RNF212B: variants seen among roughly 807,000 people sequenced by gnomAD.
The protein encoded by RNF212B is ring finger protein 212B.
Under a neutral mutation model 55.5 loss-of-function variants are expected in RNF212B, and 52 were observed. The observed-to-expected ratio is 0.94, with a 90% CI of 0.75 to 1.18. RNF212B has a LOEUF of 1.18. Ranked by LOEUF, RNF212B falls within the 50% of genes most tolerant of loss-of-function variation. The probability of loss-of-function intolerance (pLI) is 0.00; values close to 1 mark genes in which losing one functional copy is unlikely to be tolerated. For missense variants in RNF212B, 289 were observed against 350.4 expected, an observed-to-expected ratio of 0.82 and a Z score of 1.40; for synonymous variants, 99 against 121.4, an observed-to-expected ratio of 0.82 and a Z score of 1.21.
chr14:23,241,081 C>A (rs922442545), intron 2 of RNF212B, among the ~76,000 whole-genome samples: 1 of 151,568 alleles, frequency 6.6e-6, no homozygotes, highest in Non-Finnish European at 1.5e-5. Context: ...TGTGTAAATC[C>A]CTAGAAGAGG....
intron 2 of RNF212B, among the ~76,000 whole-genome samples, chr14:23,230,383 G>T (rs1176763900): frequency 6.6e-6 from 1 of 151,928 alleles, no homozygotes; most frequent in Non-Finnish European, 1.5e-5. Flanking sequence ...GGCCGGGCGC[G>T]GTGGCTCACG....
Position 23,203,500 on chromosome 14 carries a change from A to AT in RNF212B, c.-2+10100dup, listed in dbSNP as rs1248237920. Among the ~76,000 whole-genome samples, 4 of 128,718 alleles carry AT rather than the reference A, an allele frequency of 3.1e-5. No individual in the cohort carries two copies. In the Admixed American group the frequency reaches 3.4e-4, roughly 11 times the overall value. 84.4% of individuals were successfully genotyped at this position (128,718 alleles called of 152,430 possible). On this transcript the variant is annotated intron_variant, in intron 2 of 15. Coordinates refer to the RNF212B transcript ENST00000399910. ...AGTCCCCCTTTTTTTTTTTTTTGAG[A>AT]TGGAGCCTTGCTCTGTCACCCACGC...
intron 4 of RNF212B, among the ~76,000 whole-genome samples, chr14:23,245,258 G>T (rs76361569): frequency 6.6e-6 from 1 of 152,088 alleles, no homozygotes; most frequent in African/African-American, 2.4e-5. Flanking sequence ...CTCTAGAGAT[G>T]GAGTAAGGGG....
At chr14:23,272,186 G>T (rs1418415106) in intron 14 of RNF212B, among the ~76,000 whole-genome samples, 2 of 152,148 alleles carry the variant, frequency 1.3e-5, no homozygotes, top group Non-Finnish European at 1.5e-5. Context: ...GGGAGGCCGA[G>T]GCGGGCGGAT....
chr14:23,251,463 G>A (rs1884396375), intron 4 of RNF212B, among the ~76,000 whole-genome samples: 1 of 152,186 alleles, frequency 6.6e-6, no homozygotes, highest in Non-Finnish European at 1.5e-5. Context: ...TAATTTGCTA[G>A]AATGACTCAC....
chr14:23,263,089 G>GT, intron 9 of RNF212B, 119 bp downstream of exon 9: 1 of 896,656 alleles, frequency 1.1e-6, no homozygotes, highest in Non-Finnish European at 1.7e-6. Context: ...TTTAAAGCTA[G>GT]GGTTTTTTTT....
At chr14:23,254,447 C>CCA (rs1279286767) in intron 4 of RNF212B, among the ~76,000 whole-genome samples, 1 of 152,030 alleles carries the variant, frequency 6.6e-6, no homozygotes, top group East Asian at 1.9e-4. Context: ...TAGCAGGACC[C>CCA]CATCTCTATC....
chr14:23,234,976 G>A (rs1882995074), upstream of RNF212B, among the ~76,000 whole-genome samples: 3 of 152,108 alleles, frequency 2.0e-5, no homozygotes, highest in South Asian at 6.2e-4. Context: ...CACTTTGGGA[G>A]GCCGAGGCAG....
intron 2 of RNF212B, among the ~76,000 whole-genome samples, chr14:23,208,757 G>GTTTTTT (rs1166613606): frequency 0.019 from 1,841 of 97,990 alleles, 160 homozygotes; most frequent in African/African-American, 0.029. Flanking sequence ...GCTGGTTGCC[G>GTTTTTT]TTTTTTTTTT....
intron 2 of RNF212B, among the ~76,000 whole-genome samples, chr14:23,221,750 T>A (rs1202027990): frequency 1.3e-5 from 2 of 152,068 alleles, no homozygotes; most frequent in African/African-American, 4.8e-5. Flanking sequence ...ACCAAACAAA[T>A]CTGAAAACTT....
At chr14:23,228,243 T>C (rs912301695) in intron 2 of RNF212B, among the ~76,000 whole-genome samples, 4 of 148,712 alleles carry the variant, frequency 2.7e-5, no homozygotes, top group Non-Finnish European at 4.5e-5. Flanking sequence ...AAAAAAAAAC[T>C]CATCAGGCTC....
At chr14:23,216,318 T>G (rs1256251843) in intron 2 of RNF212B, among the ~76,000 whole-genome samples, 1 of 151,318 alleles carries the variant, frequency 6.6e-6, no homozygotes, top group East Asian at 1.9e-4. Flanking sequence ...TATAAATAAA[T>G]AAAAATGCAA....
At position 23,270,706 on chromosome 14, in the gene RNF212B, T is replaced by C. The variant is rs1197225515; in HGVS notation, c.834+45T>C. On this transcript the variant is annotated intron_variant, in intron 14 of 14. Transcript: ENST00000430154. ...ACTTGTCTGTGCATAAAATCTCACATGGTTAGGCCTGCACACTAAATGCCT... is the reference window on the plus strand; with the variant it reads ...ACTTGTCTGTGCATAAAATCTCACACGGTTAGGCCTGCACACTAAATGCCT... 3.1e-6 allele frequency: 4 copies of C among 1,309,560 alleles called. No homozygotes were observed. The African/African-American group carries it at 5.9e-5, about 19-fold the overall frequency. 81.1% of individuals were successfully genotyped at this position (1,309,560 alleles called of 1,614,324 possible).
chr14:23,265,921 T>A (rs1723309333), intron 11 of RNF212B, among the ~76,000 whole-genome samples: 1 of 152,216 alleles, frequency 6.6e-6, no homozygotes, highest in South Asian at 2.1e-4. Flanking sequence ...TTTTACTGCA[T>A]CCTATAACAT....
intron 11 of RNF212B, among the ~76,000 whole-genome samples, chr14:23,267,867 T>C (rs1235654520): frequency 6.6e-6 from 1 of 152,248 alleles, no homozygotes; most frequent in Non-Finnish European, 1.5e-5. Context: ...GTGAGTATCT[T>C]GTAGACTGTG....
chr14:23,269,364 G>C (rs996131151), intron 12 of RNF212B, among the ~76,000 whole-genome samples: 1 of 152,144 alleles, frequency 6.6e-6, no homozygotes, highest in South Asian at 2.1e-4. Context: ...CCACTGGCTT[G>C]TACCACCGAA....
At chr14:23,230,570 CG>C (rs1882512617) in intron 2 of RNF212B, among the ~76,000 whole-genome samples, 1 of 136,066 alleles carries the variant, frequency 7.3e-6, no homozygotes, top group Non-Finnish European at 1.5e-5. Context: ...AGGAGAATGG[CG>C]TGAACCCGGG....
At chr14:23,264,727 G>T in intron 11 of RNF212B, 56 bp downstream of exon 11, 1 of 1,130,124 alleles carries the variant, frequency 8.8e-7, no homozygotes, top group Non-Finnish European at 1.1e-6. Flanking sequence ...GAAGATCTGC[G>T]GATTTCTGGT....
chr14:23,237,681 T>C (rs1349181266), upstream of RNF212B, among the ~76,000 whole-genome samples: 1 of 152,228 alleles, frequency 6.6e-6, no homozygotes, highest in Non-Finnish European at 1.5e-5. Context: ...TTCACCTTTT[T>C]GTTTCCACAG....
Sources: gnomAD v4.1 joint callset for allele counts (sites outside exome capture counted in the v4.1 genomes callset) on GRCh38, gnomAD v4.1.1 for gene constraint, MANE v1.5 for transcripts, NCBI Gene and HGNC (gene_info 2026-07-23, HGNC 2026-07-21) for gene names.